Variants in CCDC141 observed in about 807,000 individuals in gnomAD.
CCDC141 encodes the protein coiled-coil domain containing 141, also known as coiled-coil domain-containing protein 141.
A neutral mutation model predicts 181.0 loss-of-function variants in CCDC141; 168 were observed. The observed-to-expected ratio is 0.93, with a 90% CI of 0.82 to 1.05. CCDC141 has a LOEUF of 1.05. CCDC141 is among the 50% of genes least tolerant of loss of function. The pLI is 0.00. For missense variants in CCDC141, 1,902 were observed against 1,788.5 expected, an observed-to-expected ratio of 1.06 and a Z score of -1.14; for synonymous variants, 666 against 642.3, an observed-to-expected ratio of 1.04 and a Z score of -0.56.
intron 4 of CCDC141, among the ~76,000 whole-genome samples, chr2:178,972,500 C>T (rs1461981138): frequency 6.6e-6 from 1 of 152,110 alleles, no homozygotes; most frequent in Non-Finnish European, 1.5e-5. Context: ...GAGGGAGTCA[C>T]CAACGAATGT....
chr2:178,970,342 G>A (rs1690828916), intron 4 of CCDC141, among the ~76,000 whole-genome samples: 1 of 152,186 alleles, frequency 6.6e-6, no homozygotes. Flanking sequence ...AACAAAGCTG[G>A]AGGCATCCCA....
At chr2:179,041,503 T>G (rs995072894) in intron 2 of CCDC141, among the ~76,000 whole-genome samples, 10 of 143,190 alleles carry the variant, frequency 7.0e-5, no homozygotes, top group Admixed American at 6.9e-5. Context: ...TTTTTTTTTT[T>G]TTTTTTTTTT....
At chr2:178,875,706 C>T (rs988627316) in intron 12 of CCDC141, 2 of 152,088 alleles carry the variant, frequency 1.3e-5, no homozygotes, top group Non-Finnish European at 2.9e-5. Flanking sequence ...AGACAAGAAA[C>T]AGAATTTCAT....
intron 2 of CCDC141, among the ~76,000 whole-genome samples, chr2:179,015,538 G>T (rs1195697371): frequency 6.6e-5 from 5 of 75,416 alleles, no homozygotes; most frequent in Admixed American, 1.7e-4. Flanking sequence ...TCATATATAT[G>T]ATATATATAT....
At chr2:178,893,609 G>C (rs1445173543) in intron 8 of CCDC141, among the ~76,000 whole-genome samples, 3 of 152,090 alleles carry the variant, frequency 2.0e-5, no homozygotes, top group Admixed American at 6.6e-5. Context: ...GGAACCCGAA[G>C]AGTGTCTTTT....
chr2:178,914,600 A>G (rs190047652), intron 7 of CCDC141, among the ~76,000 whole-genome samples: 13 of 152,340 alleles, frequency 8.5e-5, no homozygotes, highest in Non-Finnish European at 5.9e-5. Flanking sequence ...GCCACTGGAC[A>G]AAGGCAGTGG....
intron 4 of CCDC141, among the ~76,000 whole-genome samples, chr2:178,966,186 G>A (rs929504910): frequency 6.6e-6 from 1 of 152,232 alleles, no homozygotes; most frequent in African/African-American, 2.4e-5. Context: ...GCCTATGGGC[G>A]AAGCTTCAGC....
At chr2:178,929,897 A>T (rs1243300352) in intron 6 of CCDC141, among the ~76,000 whole-genome samples, 1 of 152,082 alleles carries the variant, frequency 6.6e-6, no homozygotes, top group East Asian at 1.9e-4. Flanking sequence ...ATCTGCCTTT[A>T]AAATATATGG....
At chr2:178,917,609 T>C (rs1197757322) in intron 7 of CCDC141, among the ~76,000 whole-genome samples, 1 of 152,294 alleles carries the variant, frequency 6.6e-6, no homozygotes, top group East Asian at 1.9e-4. Context: ...AAATTTAAGG[T>C]ATGAAACAAT....
intron 17 of CCDC141, among the ~76,000 whole-genome samples, chr2:178,858,745 T>C (rs1004504319): frequency 6.6e-6 from 1 of 151,972 alleles, no homozygotes. Flanking sequence ...TATATAAGAA[T>C]ATATAAAATA....
chr2:178,980,449 C>T (rs1047422619), intron 2 of CCDC141, among the ~76,000 whole-genome samples: 3 of 149,742 alleles, frequency 2.0e-5, no homozygotes, highest in African/African-American at 7.4e-5. Context: ...GACTCTGTCT[C>T]AAAAAAAGAA....
chr2:178,844,343 C>A (rs918412835), intron 22 of CCDC141, among the ~76,000 whole-genome samples: 4 of 152,146 alleles, frequency 2.6e-5, no homozygotes, highest in Non-Finnish European at 5.9e-5. Context: ...ATGCTACTGG[C>A]ATCTAGTGAG....
intron 14 of CCDC141, among the ~76,000 whole-genome samples, chr2:178,870,784 A>G (rs1200583270): frequency 1.3e-5 from 2 of 152,226 alleles, no homozygotes; most frequent in African/African-American, 4.8e-5. Context: ...GCAGCAAAGC[A>G]TAAGAATCCA....
intron 7 of CCDC141, among the ~76,000 whole-genome samples, chr2:178,912,546 C>A (rs1475930432): frequency 1.3e-5 from 2 of 152,106 alleles, no homozygotes; most frequent in Non-Finnish European, 2.9e-5. Context: ...AACAGCCTGA[C>A]CTCTGAGCTC....
intron 3 of CCDC141, among the ~76,000 whole-genome samples, chr2:178,975,369 CA>C (rs1559019743): frequency 6.6e-6 from 1 of 152,042 alleles, no homozygotes; most frequent in Non-Finnish European, 1.5e-5. Flanking sequence ...GGTCAATTTA[CA>C]AAGTGTCATT....
At chr2:178,818,192 A>C in the CCDC141 span, among the ~76,000 whole-genome samples, 1 of 152,120 alleles carries the variant, frequency 6.6e-6, no homozygotes, top group African/African-American at 2.4e-5. Flanking sequence ...CCACCTCCTA[A>C]TGTCTAGCAA....
chr2:178,848,430 G>A (rs2154366846), intron 21 of CCDC141, among the ~76,000 whole-genome samples: 1 of 152,266 alleles, frequency 6.6e-6, no homozygotes, highest in African/African-American at 2.4e-5. Context: ...CTAGCTGGGA[G>A]TATAATTAGG....
chr2:178,869,504 T>C (rs551659882), intron 14 of CCDC141, among the ~76,000 whole-genome samples, 199 bp from the exon 15 acceptor site: 2 of 151,880 alleles, frequency 1.3e-5, no homozygotes, highest in African/African-American at 4.8e-5. Context: ...CTGAGAAATT[T>C]ACAAAAAAAA....
At chr2:178,982,707 C>A (rs1033033301) in intron 2 of CCDC141, among the ~76,000 whole-genome samples, 2 of 152,154 alleles carry the variant, frequency 1.3e-5, no homozygotes, top group Non-Finnish European at 2.9e-5. Flanking sequence ...GGGTGACAGA[C>A]GGCACCTGGA....
Sources: gnomAD v4.1 joint callset for allele counts (sites outside exome capture counted in the v4.1 genomes callset) on GRCh38, gnomAD v4.1.1 for gene constraint, MANE v1.5 for transcripts, NCBI Gene and HGNC (gene_info 2026-07-23, HGNC 2026-07-21) for gene names.